The following UBE2V1 variants were observed in gnomAD, a reference collection of about 807,000 sequenced individuals.
UBE2V1 encodes ubiquitin-conjugating enzyme E2 variant 1.
A neutral mutation model predicts 19.6 loss-of-function variants in UBE2V1; 15 were observed. That is an observed-to-expected ratio of 0.77 (90% CI 0.51 to 1.18). The LOEUF (loss-of-function observed/expected upper bound fraction) is 1.18, where lower values mean the gene tolerates loss of function less well. Ranked by LOEUF, UBE2V1 falls within the 50% of genes most tolerant of loss-of-function variation. UBE2V1 has a pLI of 0.00. For missense variants in UBE2V1, 125 were observed against 184.8 expected, an observed-to-expected ratio of 0.68 and a Z score of 1.88; for synonymous variants, 60 against 60.7, an observed-to-expected ratio of 0.99 and a Z score of 0.05.
At chr20:50,114,484 AG>A (rs1271287597), upstream of UBE2V1, among the ~76,000 whole-genome samples, 1 of 152,216 alleles carries the variant, frequency 6.6e-6, no homozygotes, top group Non-Finnish European at 1.5e-5. Flanking sequence ...TAAAGCCTTC[AG>A]TGGCTCCCCA....
intron 1 of UBE2V1, among the ~76,000 whole-genome samples, chr20:50,098,632 G>A (rs933306413): frequency 6.6e-6 from 1 of 152,142 alleles, no homozygotes; most frequent in Non-Finnish European, 1.5e-5. Context: ...AGCAACTGAA[G>A]GACAGAGTTG....
intron 1 of UBE2V1, chr20:50,111,581 A>G (rs2080755671): frequency 4.0e-6 from 4 of 1,000,144 alleles, no homozygotes; most frequent in South Asian, 4.7e-5. Context: ...AAAATCGAGT[A>G]AAAGGATTCA....
intron 1 of UBE2V1, among the ~76,000 whole-genome samples, chr20:50,099,651 T>G (rs1027804811): frequency 6.6e-6 from 1 of 152,142 alleles, no homozygotes; most frequent in Non-Finnish European, 1.5e-5. Context: ...CTCCTTCCCC[T>G]AGGAATCCAT....
intron 1 of UBE2V1, among the ~76,000 whole-genome samples, chr20:50,102,764 C>A (rs892315963): frequency 6.6e-6 from 1 of 152,202 alleles, no homozygotes; most frequent in Admixed American, 6.5e-5. Flanking sequence ...TCCCGTTGCA[C>A]CCGCAATCCA....
chr20:50,110,054 G>A (rs1189505731), intron 1 of UBE2V1, among the ~76,000 whole-genome samples: 1 of 152,226 alleles, frequency 6.6e-6, no homozygotes, highest in Admixed American at 6.5e-5. Context: ...TTTATAAGCT[G>A]AATGTGCATA....
At chr20:50,093,096 C>T (rs749404748) in intron 2 of UBE2V1, among the ~76,000 whole-genome samples, 2 of 152,200 alleles carry the variant, frequency 1.3e-5, no homozygotes, top group Non-Finnish European at 2.9e-5. Flanking sequence ...TCTCATTGTT[C>T]AACAGCTAAA....
In UBE2V1 at chr20:50,113,092, G is replaced by A. The variant is rs774284303; in HGVS notation, c.22+15C>T. The A allele has an allele frequency of 2.4e-6, 3 of 1,264,198 alleles. No individual in the cohort carries two copies. The highest frequency in any genetic ancestry group is 2.1e-5 in the South Asian group (1 of 48,486). 78.3% of individuals were successfully genotyped at this position (1,264,198 alleles called of 1,614,324 possible). A position where few individuals can be genotyped will look rare whatever the true frequency, so the allele number is the denominator to read the frequency against. On this transcript the variant is annotated intron_variant, in intron 1 of 3. Transcript: ENST00000371674. ...CATGCCCCCTCGGCCGGCCGGGCCC[G>A]GCGCCCCCGCTCACCCGAGCCCGTG...
chr20:50,089,191 G>T (rs376328189), intron 2 of UBE2V1, among the ~76,000 whole-genome samples: 4 of 152,152 alleles, frequency 2.6e-5, no homozygotes, highest in African/African-American at 4.8e-5. Flanking sequence ...CTTAAGGGAG[G>T]GGGGGATAAG....
chr20:50,104,303 G>A lies in UBE2V1; in HGVS notation c.23-7483C>T, dbSNP rs548440202. ...CTCAAAAAAAAAAAAAAAAAAGGCA[G>A]TATTTCCTATTGTAAACTCTAATCT... On this transcript the variant is annotated intron_variant, in intron 1 of 3. Transcript: ENST00000371674. 1.3e-5 allele frequency: 12 copies of A among 948,722 alleles called. No homozygotes were observed. In the East Asian group the frequency reaches 1.1e-3, roughly 88 times the overall value. 58.8% of individuals were successfully genotyped at this position (948,722 alleles called of 1,614,324 possible).
At chr20:50,109,178 T>A in intron 1 of UBE2V1, 1 of 965,218 alleles carries the variant, frequency 1.0e-6, no homozygotes, top group Non-Finnish European at 1.2e-6. Flanking sequence ...TAAAGCACTA[T>A]CCACAATACA....
At position 50,082,454 on chromosome 20, in the gene UBE2V1, G is replaced by A. The variant is rs976940985; in HGVS notation, c.*314C>T. On this transcript the variant is annotated 3_prime_UTR_variant, in exon 4 of 4. Transcript: ENST00000371674. ...TGATTGTGTGATGTGTCTTTTCACAGTTGAGTTAGATGTGCCCCACCAGTT... is the reference window on the plus strand; with the variant it reads ...TGATTGTGTGATGTGTCTTTTCACAATTGAGTTAGATGTGCCCCACCAGTT... 2 of 294,562 alleles carry A rather than the reference G, an allele frequency of 6.8e-6. No homozygotes were observed. Among genetic ancestry groups the A allele is most frequent in the Non-Finnish European group, 1.3e-5 (2 of 157,418 alleles). The allele number at this position is 294,562 out of a possible 1,614,324, so 18.2% of individuals were successfully genotyped here. A position where few individuals can be genotyped will look rare whatever the true frequency, so the allele number is the denominator to read the frequency against.
At chr20:50,110,765 C>T (rs2147214853) in intron 1 of UBE2V1, among the ~76,000 whole-genome samples, 1 of 152,254 alleles carries the variant, frequency 6.6e-6, no homozygotes, top group East Asian at 1.9e-4. Flanking sequence ...AGCCATGTCT[C>T]TCCAACTCAT....
chr20:50,115,874 T>A (rs1381226178), upstream of UBE2V1: 1 of 270,954 alleles, frequency 3.7e-6, no homozygotes, highest in Non-Finnish European at 6.8e-6. Context: ...ATGGATTCCT[T>A]GGCTCTTGTA....
At chr20:50,089,366 A>G (rs570478863) in intron 2 of UBE2V1, among the ~76,000 whole-genome samples, 6 of 152,286 alleles carry the variant, frequency 3.9e-5, no homozygotes, top group South Asian at 2.1e-4. Context: ...ATGTCCCCAG[A>G]AAGCTGGAGG....
upstream of UBE2V1, among the ~76,000 whole-genome samples, chr20:50,113,795 GTTCA>G (rs1569031846): frequency 7.5e-5 from 7 of 93,836 alleles, no homozygotes; most frequent in African/African-American, 4.2e-4. Context: ...TCATTCATTC[GTTCA>G]TTCATTCATT....
intron 1 of UBE2V1, chr20:50,109,240 CA>C: frequency 4.7e-6 from 3 of 632,562 alleles, no homozygotes; most frequent in Non-Finnish European, 5.9e-6. Flanking sequence ...CTCTGAACTT[CA>C]CTGTGCCCCT....
At chr20:50,089,489 G>C (rs115031302) in intron 2 of UBE2V1, among the ~76,000 whole-genome samples, 3 of 152,200 alleles carry the variant, frequency 2.0e-5, no homozygotes, top group Non-Finnish European at 2.9e-5. Context: ...TGCCTTTCAG[G>C]CTCTCTCTTG....
intron 1 of UBE2V1, among the ~76,000 whole-genome samples, chr20:50,099,132 T>C (rs1005634719): frequency 1.3e-5 from 2 of 152,208 alleles, no homozygotes; most frequent in Admixed American, 6.5e-5. Context: ...CCTGCACTAA[T>C]AAAAATGAAC....
intron 2 of UBE2V1, among the ~76,000 whole-genome samples, chr20:50,087,456 G>GT (rs1031556673): frequency 1.3e-5 from 2 of 151,674 alleles, no homozygotes; most frequent in Non-Finnish European, 2.9e-5. Flanking sequence ...AGGGTTTCTG[G>GT]TTTTTTTATT....
Sources: allele counts gnomAD v4.1 joint callset (sites outside exome capture counted in the v4.1 genomes callset), GRCh38; gene constraint gnomAD v4.1.1; transcripts MANE v1.5; gene names NCBI Gene and HGNC (gene_info 2026-07-23, HGNC 2026-07-21).